Variants in RLIG1 observed in about 807,000 individuals in gnomAD.
RLIG1 encodes the protein RNA 5'-phosphate and 3'-OH ligase 1.
the RLIG1 span, among the ~76,000 whole-genome samples, chr12:88,047,673 CTT>C: frequency 6.6e-6 from 1 of 152,134 alleles, no homozygotes; most frequent in Non-Finnish European, 1.5e-5. Flanking sequence ...CCTCTCCATT[CTT>C]CACAAATGAA....
At chr12:88,043,591 T>G in the RLIG1 span, 1 of 1,570,320 alleles carries the variant, frequency 6.4e-7, no homozygotes, top group African/African-American at 1.4e-5. Context: ...CTTTTTAATA[T>G]TTTTTAGAAT....
chr12:88,038,869 T>A, the RLIG1 span, among the ~76,000 whole-genome samples: 3 of 152,188 alleles, frequency 2.0e-5, no homozygotes, highest in African/African-American at 4.8e-5. Flanking sequence ...ATGAAAAGGA[T>A]GAAGATCATT....
chr12:88,048,004 C>G, the RLIG1 span, among the ~76,000 whole-genome samples: 1 of 151,946 alleles, frequency 6.6e-6, no homozygotes, highest in African/African-American at 2.4e-5. Context: ...GCTGGACATA[C>G]ACAGTCAACA....
the RLIG1 span, chr12:88,043,590 A>AT: frequency 6.4e-7 from 1 of 1,567,562 alleles, no homozygotes; most frequent in Non-Finnish European, 8.7e-7. Context: ...TCTTTTTAAT[A>AT]TTTTTTAGAA....
the RLIG1 span, chr12:88,035,545 G>T: frequency 1.2e-5 from 14 of 1,215,098 alleles, no homozygotes; most frequent in East Asian, 1.5e-4. Flanking sequence ...CGCGGAGTGT[G>T]CGTGGCCTGA....
the RLIG1 span, among the ~76,000 whole-genome samples, chr12:88,041,198 G>A: frequency 1.3e-5 from 2 of 152,096 alleles, no homozygotes; most frequent in Non-Finnish European, 1.5e-5. Context: ...ATCATACAGT[G>A]TTTATTTTTT....
the RLIG1 span, chr12:88,045,872 A>C: frequency 2.2e-5 from 21 of 944,692 alleles, no homozygotes; most frequent in Non-Finnish European, 2.7e-5. Context: ...CACACTAAAG[A>C]AATGACTAAC....
At chr12:88,043,449 C>T in the RLIG1 span, 2 of 564,310 alleles carry the variant, frequency 3.5e-6, no homozygotes, top group Non-Finnish European at 3.1e-6. Context: ...ATCTTAAGTA[C>T]AGTCATGTTG....
At chr12:88,048,315 C>T in the RLIG1 span, 2 of 1,605,978 alleles carry the variant, frequency 1.2e-6, no homozygotes, top group Non-Finnish European at 1.7e-6. Context: ...CAACATGAAC[C>T]TGAACAAATG....
chr12:88,048,993 T>A, the RLIG1 span: 3 of 385,924 alleles, frequency 7.8e-6, no homozygotes, highest in Non-Finnish European at 1.4e-5. Flanking sequence ...CTGTAACAAG[T>A]CTTCAAGTAT....
At chr12:88,045,324 A>C in the RLIG1 span, 1 of 350,186 alleles carries the variant, frequency 2.9e-6, no homozygotes, top group Non-Finnish European at 5.2e-6. Flanking sequence ...TTAATGAATA[A>C]GGGTGAATTT....
the RLIG1 span, among the ~76,000 whole-genome samples, chr12:88,037,717 C>T: frequency 3.9e-5 from 6 of 152,254 alleles, no homozygotes; most frequent in East Asian, 7.7e-4. Flanking sequence ...GGGCTAATTT[C>T]TTAGTTTACC....
chr12:88,044,984 C>G, the RLIG1 span: 1 of 152,314 alleles, frequency 6.6e-6, no homozygotes, highest in Non-Finnish European at 1.5e-5. Flanking sequence ...ATCAGTGGTA[C>G]AGCAAAAGCA....
At chr12:88,042,778 T>A in the RLIG1 span, 1 of 1,219,074 alleles carries the variant, frequency 8.2e-7, no homozygotes, top group East Asian at 2.7e-5. Context: ...TCTTTCAAGA[T>A]AAGTTTTGTT....
chr12:88,042,017 G>A, the RLIG1 span: 3 of 152,062 alleles, frequency 2.0e-5, no homozygotes, highest in African/African-American at 7.3e-5. Flanking sequence ...TTACTACTAA[G>A]GCATTAAAAG....
At chr12:88,046,961 T>C in the RLIG1 span, 1 of 1,608,206 alleles carries the variant, frequency 6.2e-7, no homozygotes, top group Non-Finnish European at 8.5e-7. Context: ...ATTGCAGTGA[T>C]GGCTGTTTAA....
At chr12:88,036,698 C>T in the RLIG1 span, among the ~76,000 whole-genome samples, 3 of 152,224 alleles carry the variant, frequency 2.0e-5, no homozygotes, top group Admixed American at 6.5e-5. Flanking sequence ...AGTGCTGTCA[C>T]AGCTGTTACA....
the RLIG1 span, chr12:88,042,790 G>T: frequency 7.5e-7 from 1 of 1,337,400 alleles, no homozygotes; most frequent in Non-Finnish European, 1.0e-6. Flanking sequence ...AGTTTTGTTT[G>T]CATCATACTT....
chr12:88,040,091 T>C, the RLIG1 span: 2 of 886,576 alleles, frequency 2.3e-6, no homozygotes, highest in South Asian at 1.4e-5. Flanking sequence ...TGAGCATGTG[T>C]GCAAAGACAT....
Sources: gnomAD v4.1 joint callset for allele counts (sites outside exome capture counted in the v4.1 genomes callset) on GRCh38, gnomAD v4.1.1 for gene constraint, MANE v1.5 for transcripts, NCBI Gene and HGNC (gene_info 2026-07-23, HGNC 2026-07-21) for gene names.